BRINP3: variants seen among roughly 807,000 people sequenced by gnomAD.
The protein encoded by BRINP3 is BMP/retinoic acid-inducible neural-specific protein 3.
A neutral mutation model predicts 71.0 loss-of-function variants in BRINP3; 19 were observed. The ratio of observed to expected loss-of-function variants is 0.27; its 90% CI spans 0.19 to 0.39. The LOEUF is 0.39. BRINP3 is among the 10% of genes least tolerant of loss of function. BRINP3 has a pLI of 1.00. For synonymous variants in BRINP3, 380 were observed against 337.7 expected, an observed-to-expected ratio of 1.13 and a Z score of -1.37; for missense variants, 959 against 940.8, an observed-to-expected ratio of 1.02 and a Z score of -0.25.
At chr1:190,183,355 T>G (rs185640943) in intron 6 of BRINP3, among the ~76,000 whole-genome samples, 1 of 152,214 alleles carries the variant, frequency 6.6e-6, no homozygotes, top group East Asian at 1.9e-4. Context: ...AATTTAAAAT[T>G]CCCAAATTTT....
Position 190,255,330 on chromosome 1 carries a change from A to G in BRINP3, c.618+9535T>C, listed in dbSNP as rs1269219017. ...GTTAGGGAGGATTCCCTCTTTTTCT[A>G]TTGATTGGAATGGTTTCAGAAGGAA... On this transcript the variant is annotated intron_variant, in intron 4 of 7. Transcript: ENST00000367462. Among the ~76,000 whole-genome samples the G allele has an allele frequency of 2.1e-5, 3 of 144,766 alleles. 1 individual carries two copies. In the South Asian group the frequency reaches 6.5e-4, roughly 31 times the overall value. The allele number at this position is 144,766 out of a possible 152,430, so 95.0% of individuals were successfully genotyped here. A position where few individuals can be genotyped will look rare whatever the true frequency, so the allele number is the denominator to read the frequency against.
chr1:190,291,506 A>G (rs1009998302), intron 2 of BRINP3, among the ~76,000 whole-genome samples: 3 of 152,172 alleles, frequency 2.0e-5, no homozygotes, highest in Admixed American at 6.6e-5. Flanking sequence ...ACCTGAATAG[A>G]TATTTCTCAA....
chr1:190,341,104 G>A (rs1473791899), intron 2 of BRINP3, among the ~76,000 whole-genome samples: 4 of 151,726 alleles, frequency 2.6e-5, no homozygotes, highest in Non-Finnish European at 4.4e-5. Flanking sequence ...GATGAAATCC[G>A]TGGTCCAGTC....
intron 3 of BRINP3, among the ~76,000 whole-genome samples, chr1:190,269,615 A>G (rs1315935606): frequency 6.6e-6 from 1 of 152,016 alleles, no homozygotes; most frequent in Non-Finnish European, 1.5e-5. Flanking sequence ...TGTTCAGACA[A>G]AAACAGATAA....
chr1:190,342,821 TA>T (rs1159584054), intron 2 of BRINP3: 2 of 151,828 alleles, frequency 1.3e-5, no homozygotes, highest in Admixed American at 1.3e-4. Flanking sequence ...AAAAAATGAA[TA>T]AATATAGATG....
chr1:190,177,047 A>G (rs1250483737), intron 6 of BRINP3, among the ~76,000 whole-genome samples: 29 of 152,002 alleles, frequency 1.9e-4, no homozygotes, highest in Non-Finnish European at 2.9e-5. Context: ...GTATTACCAC[A>G]GGATAACATG....
chr1:190,108,304 C>T (rs572662064), intron 7 of BRINP3, among the ~76,000 whole-genome samples: 1 of 151,944 alleles, frequency 6.6e-6, no homozygotes, highest in East Asian at 1.9e-4. Flanking sequence ...TTATACGGCC[C>T]TTACAAATGT....
intron 3 of BRINP3, among the ~76,000 whole-genome samples, chr1:190,270,475 C>G (rs1662009951): frequency 6.6e-6 from 1 of 151,482 alleles, no homozygotes; most frequent in Admixed American, 6.6e-5. Context: ...GAATGTAAAT[C>G]AATTTTTGGA....
intron 2 of BRINP3, among the ~76,000 whole-genome samples, chr1:190,410,341 TG>T (rs1454665048): frequency 6.6e-6 from 1 of 152,048 alleles, no homozygotes; most frequent in African/African-American, 2.4e-5. Context: ...ATATGGAGAC[TG>T]GGGGGAAAGG....
At chr1:190,311,571 A>C (rs1196955740) in intron 2 of BRINP3, among the ~76,000 whole-genome samples, 1 of 151,642 alleles carries the variant, frequency 6.6e-6, no homozygotes, top group Non-Finnish European at 1.5e-5. Flanking sequence ...TGATCATAGA[A>C]TCTGGGAAGT....
intron 6 of BRINP3, among the ~76,000 whole-genome samples, chr1:190,193,933 C>T (rs1445546851): frequency 6.6e-6 from 1 of 152,104 alleles, no homozygotes; most frequent in South Asian, 2.1e-4. Context: ...CACTAACCAA[C>T]TTTCCCCTAA....
At chr1:190,437,977 G>C (rs558572084) in intron 2 of BRINP3, among the ~76,000 whole-genome samples, 1 of 150,964 alleles carries the variant, frequency 6.6e-6, no homozygotes, top group Admixed American at 6.6e-5. Context: ...AATATCAGTG[G>C]GTTATATTTA....
chr1:190,314,392 C>T (rs1665742857), intron 2 of BRINP3, among the ~76,000 whole-genome samples: 1 of 152,146 alleles, frequency 6.6e-6, no homozygotes, highest in East Asian at 1.9e-4. Flanking sequence ...ATTATAGTTG[C>T]TAATTACCTG....
At chr1:190,354,216 G>A (rs950379324) in intron 2 of BRINP3, among the ~76,000 whole-genome samples, 2 of 151,834 alleles carry the variant, frequency 1.3e-5, no homozygotes, top group Non-Finnish European at 2.9e-5. Flanking sequence ...TTATTCTAAT[G>A]CTTTCTCTTA....
intron 2 of BRINP3, among the ~76,000 whole-genome samples, chr1:190,422,567 A>T (rs542232573): frequency 1.3e-3 from 196 of 151,918 alleles, no homozygotes; most frequent in Middle Eastern, 6.8e-3. Flanking sequence ...TGTGCTAGGT[A>T]ACTAGAAACA....
chr1:190,328,494 T>A (rs1440536747), intron 2 of BRINP3, among the ~76,000 whole-genome samples: 1 of 151,698 alleles, frequency 6.6e-6, no homozygotes, highest in East Asian at 1.9e-4. Context: ...CAGAAAAGAA[T>A]GGAAAAACTG....
intron 2 of BRINP3, among the ~76,000 whole-genome samples, chr1:190,341,373 G>T (rs986261295): frequency 6.6e-6 from 1 of 151,782 alleles, no homozygotes; most frequent in Non-Finnish European, 1.5e-5. Context: ...AATATATGAT[G>T]TTTAATATTT....
intron 2 of BRINP3, among the ~76,000 whole-genome samples, chr1:190,313,784 TAAGAC>T (rs1334105965): frequency 1.3e-5 from 2 of 152,038 alleles, no homozygotes; most frequent in Non-Finnish European, 2.9e-5. Context: ...ATATAGCTAT[TAAGAC>T]AGACAGAATT....
intron 7 of BRINP3, among the ~76,000 whole-genome samples, chr1:190,159,891 GT>G (rs899370504): frequency 4.0e-5 from 6 of 151,588 alleles, no homozygotes; most frequent in Non-Finnish European, 5.9e-5. Flanking sequence ...AACCTTCAGG[GT>G]TTTTTTTCCA....
Sources: gnomAD v4.1 joint callset for allele counts (sites outside exome capture counted in the v4.1 genomes callset) on GRCh38, gnomAD v4.1.1 for gene constraint, MANE v1.5 for transcripts, NCBI Gene and HGNC (gene_info 2026-07-23, HGNC 2026-07-21) for gene names.